The following FBXL13 variants were observed in gnomAD, a reference collection of about 807,000 sequenced individuals.
FBXL13 encodes F-box and leucine-rich repeat protein 13.
FBXL13 carries 67 observed loss-of-function variants against 83.6 expected under a neutral mutation model. The observed-to-expected ratio is 0.80, with a 90% confidence interval of 0.66 to 0.98. The LOEUF is 0.98. Ranked by LOEUF, FBXL13 falls within the 50% of genes least tolerant of loss-of-function variation. The pLI, the probability that FBXL13 is intolerant of heterozygous loss-of-function variation, is 0.00. For synonymous variants in FBXL13, 272 were observed against 299.5 expected (o/e 0.91, Z 0.95); for missense variants, 822 against 866.5 (o/e 0.95, Z 0.64).
chr7:102,939,060 A>G (rs138077832), intron 8 of FBXL13, among the ~76,000 whole-genome samples: 2 of 152,296 alleles, frequency 1.3e-5, no homozygotes, highest in African/African-American at 2.4e-5. Flanking sequence ...TTGCTCTGTC[A>G]TCCACCTTCA....
chr7:102,955,949 G>A (rs907687908), intron 8 of FBXL13, among the ~76,000 whole-genome samples: 1 of 152,090 alleles, frequency 6.6e-6, no homozygotes, highest in Non-Finnish European at 1.5e-5. Context: ...AATTCTACCA[G>A]AAGTACAAAC....
rs1003340751 is a variant in FBXL13 at position 102,968,462 on chromosome 7, G to C, written c.496-345C>G. ...AGAAAACTAATGATTTCCATAAATA[G>C]TCATTGGTACATAGAAGGCAATCAA... On this transcript the variant is annotated intron_variant, in intron 6 of 19. Coordinates refer to ENST00000313221, the Ensembl canonical transcript of FBXL13. 8.5e-5 allele frequency among the ~76,000 whole-genome samples: 13 copies of C among 152,270 alleles called. No individual in the cohort carries two copies. In the East Asian group the frequency reaches 2.5e-3, roughly 29 times the overall value.
At chr7:102,930,455 G>T (rs1818954326) in intron 9 of FBXL13, among the ~76,000 whole-genome samples, 1 of 152,114 alleles carries the variant, frequency 6.6e-6, no homozygotes, top group African/African-American at 2.4e-5. Context: ...TATGCCTAAT[G>T]CCTCACCTTC....
intron 8 of FBXL13, among the ~76,000 whole-genome samples, chr7:102,936,605 A>T (rs192053277): frequency 6.6e-6 from 1 of 152,294 alleles, no homozygotes; most frequent in Non-Finnish European, 1.5e-5. Context: ...TGAAAACTGG[A>T]ATTATATATT....
rs1805424997 is a variant in FBXL13, at chr7:102,852,562, A to G, written c.1719+2215T>C. Reference sequence around the variant, plus strand: ...ACAATTCTCAAAAGAAGCTATACAAATGTCTAACAAACATATGAAAAAAAA... The same window carrying G: ...ACAATTCTCAAAAGAAGCTATACAAGTGTCTAACAAACATATGAAAAAAAA... On this transcript the variant is annotated intron_variant, in intron 17 of 19. Coordinates refer to ENST00000313221, the Ensembl canonical transcript of FBXL13. Among the ~76,000 whole-genome samples, 3 of 152,186 alleles carry G rather than the reference A, an allele frequency of 2.0e-5. No individual in the cohort carries two copies. In the South Asian group the frequency reaches 6.2e-4, roughly 31 times the overall value.
chr7:103,050,623 G>A (rs936804380), intron 2 of FBXL13, among the ~76,000 whole-genome samples: 2 of 152,226 alleles, frequency 1.3e-5, no homozygotes, highest in Non-Finnish European at 2.9e-5. Flanking sequence ...GAAAGGTAGA[G>A]AAAGAAAAGT....
chr7:102,872,552 A>C (rs1808664364), intron 16 of FBXL13, among the ~76,000 whole-genome samples: 1 of 152,220 alleles, frequency 6.6e-6, no homozygotes, highest in Non-Finnish European at 1.5e-5. Context: ...TCCTTTAAAC[A>C]ACAAATATGG....
chr7:102,822,050 T>A (rs752868182), exon 19 of FBXL13: 3 of 1,614,196 alleles, frequency 1.9e-6, no homozygotes, highest in East Asian at 4.5e-5. Context: ...TTGGAAATAT[T>A]TGTGCAGTAT....
At chr7:103,009,974 C>T (rs150042756) in intron 6 of FBXL13, among the ~76,000 whole-genome samples, 84 of 152,342 alleles carry the variant, frequency 5.5e-4, no homozygotes, top group African/African-American at 1.9e-3. Context: ...TGCAGCCCAG[C>T]AGCCCCACTT....
At chr7:102,915,231 T>C (rs1253448537) in intron 10 of FBXL13, among the ~76,000 whole-genome samples, 1 of 151,870 alleles carries the variant, frequency 6.6e-6, no homozygotes, top group Non-Finnish European at 1.5e-5. Flanking sequence ...TTGTTCCCTT[T>C]AAAGATGTGA....
chr7:102,869,363 C>G (rs991524170), intron 16 of FBXL13, among the ~76,000 whole-genome samples: 1 of 152,128 alleles, frequency 6.6e-6, no homozygotes, highest in Non-Finnish European at 1.5e-5. Flanking sequence ...TCCTTGTATA[C>G]TCTGGATATT....
chr7:103,062,025 C>CA (rs59881447), intron 1 of FBXL13, among the ~76,000 whole-genome samples: 53,038 of 99,676 alleles, frequency 0.53, 15,477 homozygotes, highest in Non-Finnish European at 0.65. Context: ...TCATAATTAC[C>CA]AAAAAAAAAA....
rs73714531 is a variant in FBXL13, at chr7:102,883,555, T to C, written c.1225+13A>G. The C allele has an allele frequency of 1.1e-3, 1,688 of 1,593,544 alleles. 13 individuals are homozygous for C. In the African/African-American group the frequency reaches 0.019, roughly 18 times the overall value. On this transcript the variant is annotated intron_variant, in intron 13 of 19. Coordinates refer to ENST00000313221, the Ensembl canonical transcript of FBXL13. ...AAACAATAATGCTGAACCACATTTT[T>C]AATATAACAGACCTTCAAATCGGAT...
intron 6 of FBXL13, among the ~76,000 whole-genome samples, chr7:103,013,820 A>T (rs914756269): frequency 7.9e-5 from 12 of 152,160 alleles, no homozygotes; most frequent in Non-Finnish European, 1.5e-5. Context: ...GGCAAAAAAA[A>T]ACCATACAAA....
chr7:103,060,017 A>ATT (rs1197437172), intron 1 of FBXL13, among the ~76,000 whole-genome samples: 1 of 45,530 alleles, frequency 2.2e-5, no homozygotes, highest in African/African-American at 6.6e-5. Context: ...ATAGCAAGAT[A>ATT]TTTTATATAT....
intron 16 of FBXL13, among the ~76,000 whole-genome samples, chr7:102,856,762 G>A (rs1043844031): frequency 6.6e-6 from 1 of 152,036 alleles, no homozygotes; most frequent in African/African-American, 2.4e-5. Context: ...GTGAGGATGT[G>A]GACAAACTGG....
chr7:102,860,018 G>C (rs897492907), intron 16 of FBXL13, among the ~76,000 whole-genome samples: 2 of 152,150 alleles, frequency 1.3e-5, no homozygotes, highest in African/African-American at 4.8e-5. Context: ...GTCCTGAGTG[G>C]AAAAGTGGCT....
At chr7:103,018,698 T>G (rs946367333) in intron 6 of FBXL13, among the ~76,000 whole-genome samples, 2 of 152,074 alleles carry the variant, frequency 1.3e-5, no homozygotes, top group Non-Finnish European at 2.9e-5. Flanking sequence ...AAAACAGACT[T>G]TAAACCAACG....
intron 17 of FBXL13, among the ~76,000 whole-genome samples, chr7:102,834,090 G>GGAAGGAAGGAAGGAAGGAAGGAAAGA (rs60060071): frequency 2.8e-5 from 2 of 70,484 alleles, no homozygotes; most frequent in Non-Finnish European, 2.8e-5. Context: ...GGAAAGAAAA[G>GGAAGGAAGGAAGGAAGGAAGGAAAGA]AAAGAAAGAA....
Sources: allele counts gnomAD v4.1 joint callset (sites outside exome capture counted in the v4.1 genomes callset), GRCh38; gene constraint gnomAD v4.1.1; transcripts MANE v1.5; gene names NCBI Gene and HGNC (gene_info 2026-07-23, HGNC 2026-07-21).